The following VPS13D variants were observed in gnomAD, a reference collection of about 807,000 sequenced individuals.
VPS13D encodes the protein vacuolar protein sorting 13 homolog D.
A neutral mutation model predicts 461.9 loss-of-function variants in VPS13D; 187 were observed. The observed-to-expected ratio is 0.40, with a 90% confidence interval of 0.36 to 0.46. The LOEUF is 0.46. Ranked by LOEUF, VPS13D falls within the 20% of genes least tolerant of loss-of-function variation. The pLI is 0.60. For missense variants in VPS13D, 4,711 were observed against 5,364.9 expected, an observed-to-expected ratio of 0.88 and a Z score of 3.81; for synonymous variants, 1,951 against 1,986.3, an observed-to-expected ratio of 0.98 and a Z score of 0.47.
intron 2 of VPS13D, among the ~76,000 whole-genome samples, chr1:12,235,068 A>G (rs1351015160): frequency 6.6e-6 from 1 of 152,198 alleles, no homozygotes; most frequent in East Asian, 1.9e-4. Flanking sequence ...CTCAGCTCAA[A>G]ATGGAGCTTT....
chr1:12,386,277 G>A lies in VPS13D; in HGVS notation c.11577G>A (p.Val3859=), dbSNP rs183347742. 1.7e-5 allele frequency: 27 copies of A among 1,613,394 alleles called. No homozygotes were observed. The highest frequency in any genetic ancestry group is 1.2e-4 in the Admixed American group (7 of 59,920). The stretch of plus-strand genomic sequence containing the variant: ...TTGCAAGTCTTACAGGAATCAATGT[G>A]CACTATACACAGCTGGCAACCAGTC... ...LVFASLTGIN[V]HYTQLATSHM... Residue 3859 remains valine (V), a synonymous_variant, in exon 60 of 70, where the codon GTG becomes GTA. Transcript: ENST00000620676.
Position 12,502,741 on chromosome 1 carries a change from C to T in VPS13D, c.12795-4112C>T, listed in dbSNP as rs1340533064. Among the ~76,000 whole-genome samples the T allele has an allele frequency of 6.6e-6, 1 of 151,962 alleles. No homozygotes were observed. Among genetic ancestry groups the T allele is most frequent in the East Asian group, 1.9e-4 (1 of 5,186 alleles). On this transcript the variant is annotated intron_variant, in intron 68 of 69. Transcript: ENST00000620676. This position sits in a 1 kb window ranked among gnomAD's most constrained non-coding sequence, Gnocchi z 4.3. ...AGAAGCTGGTCATGAGTCTGTTTTC[C>T]ATGTGGCCTTCTAGAGAGACATCTC...
chr1:12,294,448 T>C (rs1642218567), intron 24 of VPS13D, among the ~76,000 whole-genome samples: 1 of 152,230 alleles, frequency 6.6e-6, no homozygotes, highest in Non-Finnish European at 1.5e-5. Context: ...TGATCTATTA[T>C]TGAATGCCAA....
At chr1:12,433,917 G>GGAGAGAGAGAAAGTGAGAGAGAGA (rs1557436391) in intron 65 of VPS13D, among the ~76,000 whole-genome samples, 2 of 143,218 alleles carry the variant, frequency 1.4e-5, no homozygotes, top group African/African-American at 5.3e-5. Context: ...TAGGGGGTGG[G>GGAGAGAGAGAAAGTGAGAGAGAGA]GAGAGAGAGA....
At chr1:12,443,673 AT>A (rs112055394) in intron 65 of VPS13D, among the ~76,000 whole-genome samples, 5,949 of 146,146 alleles carry the variant, frequency 0.041, 190 homozygotes, top group African/African-American at 0.086. Flanking sequence ...ACAAAACATG[AT>A]TTTTTTTTTT....
At chr1:12,457,382 T>TA (rs1218635940) in intron 66 of VPS13D, among the ~76,000 whole-genome samples, 1 of 152,194 alleles carries the variant, frequency 6.6e-6, no homozygotes, top group Non-Finnish European at 1.5e-5. Context: ...TTGTCCCTGT[T>TA]AGAGTTAATG....
At chr1:12,371,231 G>T (rs1021459633) in intron 54 of VPS13D, among the ~76,000 whole-genome samples, 1 of 151,946 alleles carries the variant, frequency 6.6e-6, no homozygotes, top group Non-Finnish European at 1.5e-5. Context: ...GTCTCCAGCC[G>T]CAGGAAACCA....
intron 60 of VPS13D, among the ~76,000 whole-genome samples, chr1:12,389,830 G>A (rs1368102295): frequency 6.6e-6 from 1 of 152,212 alleles, no homozygotes; most frequent in Non-Finnish European, 1.5e-5. Context: ...TTGGGCTGTT[G>A]TAGTTTCCCA....
chr1:12,262,115 G>A, intron 13 of VPS13D, 35 bp downstream of exon 13: 1 of 1,582,346 alleles, frequency 6.3e-7, no homozygotes, highest in Non-Finnish European at 8.6e-7. Flanking sequence ...TGCCACTGTT[G>A]TCTCTCTGTG....
chr1:12,465,831 A>G (rs769756714), intron 67 of VPS13D, among the ~76,000 whole-genome samples: 6 of 152,168 alleles, frequency 3.9e-5, no homozygotes. Flanking sequence ...CAGGTTGGAC[A>G]GGTCAGCAAA....
chr1:12,372,868 A>G (rs1644140746), intron 54 of VPS13D, among the ~76,000 whole-genome samples: 1 of 150,924 alleles, frequency 6.6e-6, no homozygotes, highest in South Asian at 2.1e-4. Context: ...TAAAACTTCC[A>G]AACATCCCTA....
intron 28 of VPS13D, 47 bp downstream of exon 28, chr1:12,311,672 AC>A (rs1430975674): frequency 1.9e-6 from 3 of 1,606,740 alleles, no homozygotes; most frequent in Non-Finnish European, 2.6e-6. Context: ...GTCTCAGCTG[AC>A]GGTCACCCTG....
chr1:12,430,220 G>A (rs1570155439), intron 65 of VPS13D, among the ~76,000 whole-genome samples: 1 of 152,184 alleles, frequency 6.6e-6, no homozygotes, highest in East Asian at 1.9e-4. Flanking sequence ...TAGTTTTATA[G>A]CAATTCAACC....
chr1:12,480,905 C>T (rs1351295431), intron 67 of VPS13D, among the ~76,000 whole-genome samples: 1 of 152,212 alleles, frequency 6.6e-6, no homozygotes, highest in Non-Finnish European at 1.5e-5. Flanking sequence ...AGAGCAGTAA[C>T]TGAAGACTCA....
At chr1:12,471,914 TA>T (rs1645567567) in intron 67 of VPS13D, among the ~76,000 whole-genome samples, 1 of 151,848 alleles carries the variant, frequency 6.6e-6, no homozygotes, top group African/African-American at 2.4e-5. Flanking sequence ...CGTTTTTCTT[TA>T]AAAAAGAAAA....
At chr1:12,419,921 C>T (rs958229805) in intron 65 of VPS13D, among the ~76,000 whole-genome samples, 6 of 152,064 alleles carry the variant, frequency 3.9e-5, no homozygotes, top group African/African-American at 1.2e-4. Flanking sequence ...GCTCCTAGGC[C>T]GCAAAACTGT....
chr1:12,471,511 A>T (rs907765970), intron 67 of VPS13D, among the ~76,000 whole-genome samples: 2 of 152,156 alleles, frequency 1.3e-5, no homozygotes, highest in Non-Finnish European at 2.9e-5. Context: ...AATCACTTTC[A>T]ACACTTTGGG....
intron 60 of VPS13D, among the ~76,000 whole-genome samples, chr1:12,392,297 A>G (rs1166050016): frequency 1.3e-5 from 2 of 152,066 alleles, no homozygotes; most frequent in Non-Finnish European, 2.9e-5. Context: ...TTTGGCCAAC[A>G]TGGTGAAACT....
At chr1:12,243,822 G>A (rs1039003840) in intron 3 of VPS13D, among the ~76,000 whole-genome samples, 16 of 152,082 alleles carry the variant, frequency 1.1e-4, no homozygotes, top group African/African-American at 3.9e-4. Flanking sequence ...GTTCAAGATT[G>A]AATATATCAT....
Sources: allele counts gnomAD v4.1 joint callset (sites outside exome capture counted in the v4.1 genomes callset), GRCh38; gene constraint gnomAD v4.1.1; non-coding constraint Gnocchi (gnomAD v3.1); transcripts MANE v1.5; gene names NCBI Gene and HGNC (gene_info 2026-07-23, HGNC 2026-07-21).